Variants in PCSK5 observed in about 807,000 individuals in gnomAD.
PCSK5 encodes the protein proprotein convertase subtilisin/kexin type 5.
Under a neutral mutation model 233.2 loss-of-function variants are expected in PCSK5, and 129 were observed. The observed-to-expected ratio is 0.55, with a 90% CI of 0.48 to 0.64. The LOEUF (loss-of-function observed/expected upper bound fraction) is 0.64. PCSK5 is among the 30% of genes least tolerant of loss of function. PCSK5 has a pLI of 0.00. For synonymous variants in PCSK5, 825 were observed against 879.2 expected, an observed-to-expected ratio of 0.94 and a Z score of 1.09; for missense variants, 2,076 against 2,430.1, an observed-to-expected ratio of 0.85 and a Z score of 3.06.
intron 31 of PCSK5, among the ~76,000 whole-genome samples, chr9:76,321,962 T>A (rs1462918572): frequency 6.6e-6 from 1 of 151,878 alleles, no homozygotes; most frequent in East Asian, 1.9e-4. Flanking sequence ...CTTTTTTTTT[T>A]CCTTGAGATG....
At chr9:76,151,761 A>G (rs1823680417) in intron 10 of PCSK5, among the ~76,000 whole-genome samples, 1 of 151,876 alleles carries the variant, frequency 6.6e-6, no homozygotes, top group African/African-American at 2.4e-5. Flanking sequence ...CTGATTTCTT[A>G]CTCTTTGGAT....
intron 2 of PCSK5, among the ~76,000 whole-genome samples, chr9:75,969,181 G>C (rs535169405): frequency 1.3e-5 from 2 of 152,158 alleles, no homozygotes; most frequent in Admixed American, 1.3e-4. Flanking sequence ...CTATAATTTT[G>C]TATAAGTGAT....
chr9:76,068,424 C>T (rs1011439969), intron 6 of PCSK5, among the ~76,000 whole-genome samples: 2 of 152,086 alleles, frequency 1.3e-5, no homozygotes, highest in African/African-American at 4.8e-5. Context: ...TTGTAATTCT[C>T]TCAAAGTGGA....
At chr9:75,891,487 C>CAAGAGT in intron 1 of PCSK5, 114 bp downstream of exon 1, 7 of 864,408 alleles carry the variant, frequency 8.1e-6, no homozygotes, top group Non-Finnish European at 1.1e-5. Flanking sequence ...AGCTGTTGCC[C>CAAGAGT]TAACTCTTGG....
At chr9:75,917,058 A>T (rs1823031676) in intron 1 of PCSK5, among the ~76,000 whole-genome samples, 2 of 151,736 alleles carry the variant, frequency 1.3e-5, no homozygotes. Context: ...AATCCCAGCT[A>T]CTCAGGGGGC....
chr9:76,160,781 T>TTC (rs1822819399), intron 12 of PCSK5, among the ~76,000 whole-genome samples: 3 of 151,922 alleles, frequency 2.0e-5, no homozygotes, highest in Admixed American at 2.0e-4. Flanking sequence ...TTTTTTTTTT[T>TTC]CTTTTTTGAG....
chr9:76,153,135 C>T (rs967863078), intron 10 of PCSK5, among the ~76,000 whole-genome samples: 2 of 152,156 alleles, frequency 1.3e-5, no homozygotes, highest in Admixed American at 1.3e-4. Flanking sequence ...GTAAGCAGCC[C>T]TGAACTCTAA....
chr9:76,012,371 G>T (rs1827764525), intron 3 of PCSK5, among the ~76,000 whole-genome samples: 1 of 152,170 alleles, frequency 6.6e-6, no homozygotes, highest in African/African-American at 2.4e-5. Context: ...TTCCATGTCA[G>T]TCAAGCCTTC....
chr9:76,087,988 G>C (rs1831132525), intron 7 of PCSK5, among the ~76,000 whole-genome samples: 1 of 152,190 alleles, frequency 6.6e-6, no homozygotes, highest in South Asian at 2.1e-4. Context: ...AACTGCATTT[G>C]TATTTCCCAT....
At position 76,046,160 on chromosome 9, in the gene PCSK5, G is replaced by GTTTTTTTTTTTTTTTTT. The variant is rs71372041; in HGVS notation, c.632+19142_632+19158dup. ...GCATTAACACATAATTTTTTCTTTT[G>GTTTTTTTTTTTTTTTTT]TTTTTTTTTTTTTTTTTTTTTTTTT... On this transcript the variant is annotated intron_variant, in intron 5 of 37. Coordinates refer to ENST00000674117, the MANE Select transcript of PCSK5 (RefSeq NM_001372043.1). Among the ~76,000 whole-genome samples the GTTTTTTTTTTTTTTTTT allele has an allele frequency of 3.1e-4, 18 of 58,036 alleles. 4 individuals are homozygous for GTTTTTTTTTTTTTTTTT. Among genetic ancestry groups the GTTTTTTTTTTTTTTTTT allele is most frequent in the East Asian group, 2.5e-3 (5 of 1,976 alleles). 38.1% of individuals were successfully genotyped at this position (58,036 alleles called of 152,430 possible). A position where few individuals can be genotyped will look rare whatever the true frequency, so the allele number is the denominator to read the frequency against.
At chr9:76,021,424 G>A (rs186174753) in intron 3 of PCSK5, among the ~76,000 whole-genome samples, 1 of 152,046 alleles carries the variant, frequency 6.6e-6, no homozygotes, top group Non-Finnish European at 1.5e-5. Flanking sequence ...GCTGAAAAAG[G>A]CTATGTGTTA....
chr9:76,268,171 T>A (rs540830741), intron 24 of PCSK5, among the ~76,000 whole-genome samples: 1 of 152,324 alleles, frequency 6.6e-6, no homozygotes, highest in East Asian at 1.9e-4. Context: ...TGCTTCTAAG[T>A]TTCTTTCCTC....
Position 75,891,107 on chromosome 9 carries a change from CGGA to C in PCSK5, c.-73_-71del. On this transcript the variant is annotated 5_prime_UTR_variant, in exon 1 of 38. Transcript: ENST00000674117. ...GGGCTGCTCGCCGGGCGGCGCAGGC[CGGA>C]GAAGTTAGTTGTGCGCGCCCTTAGT... is the stretch of plus-strand genomic sequence containing the variant. 1 of 1,186,256 alleles carries C rather than the reference CGGA, an allele frequency of 8.4e-7. No individual in the cohort carries two copies. The highest frequency in any genetic ancestry group is 1.1e-6 in the Non-Finnish European group (1 of 907,392). The allele number at this position is 1,186,256 out of a possible 1,614,324, so 73.5% of individuals were successfully genotyped here. A position where few individuals can be genotyped will look rare whatever the true frequency, so the allele number is the denominator to read the frequency against.
intron 20 of PCSK5, chr9:76,193,441 A>G (rs891962682): frequency 1.0e-6 from 1 of 980,214 alleles, no homozygotes; most frequent in Admixed American, 3.4e-5. Context: ...AAAAAAAAAA[A>G]GCAAGCCACC....
intron 35 of PCSK5, among the ~76,000 whole-genome samples, chr9:76,346,495 T>A (rs1587360847): frequency 1.3e-5 from 2 of 152,230 alleles, no homozygotes; most frequent in East Asian, 3.8e-4. Context: ...GTATTTGACA[T>A]CAACCCGTGA....
At chr9:76,182,015 G>T (rs10869722) in intron 16 of PCSK5, among the ~76,000 whole-genome samples, 1 of 151,992 alleles carries the variant, frequency 6.6e-6, no homozygotes, top group African/African-American at 2.4e-5. Context: ...TCAGGGCCCA[G>T]GGTTGTCACT....
rs66780025 is a variant in PCSK5, at chr9:76,326,394, G to GAA, written c.4340-1607_4340-1606dup. Among the ~76,000 whole-genome samples, 944 of 150,188 alleles carry GAA rather than the reference G, an allele frequency of 6.3e-3. 9 individuals are homozygous for GAA. The highest frequency in any genetic ancestry group is 0.02 in the Middle Eastern group (6 of 294). Reference sequence around the variant, plus strand: ...GAGCAAGAACCTATAGCAAAAAAAAGAAAAAAAAATCTGTAAGCAGGATCT... The same window carrying GAA: ...GAGCAAGAACCTATAGCAAAAAAAAGAAAAAAAAAAATCTGTAAGCAGGATCT... On this transcript the variant is annotated intron_variant, in intron 32 of 37. Transcript: ENST00000674117.
intron 37 of PCSK5, among the ~76,000 whole-genome samples, chr9:76,355,288 T>C (rs567926319): frequency 2.8e-4 from 43 of 152,112 alleles, no homozygotes; most frequent in East Asian, 1.9e-3. Context: ...CTGGCTAACA[T>C]AGTGAAACCC....
intron 2 of PCSK5, among the ~76,000 whole-genome samples, chr9:75,974,175 G>GCAC (rs1392247801): frequency 6.6e-6 from 1 of 152,156 alleles, no homozygotes; most frequent in African/African-American, 2.4e-5. Context: ...AAGTGACTTG[G>GCAC]CACTCCTCTG....
Sources: gnomAD v4.1 joint callset for allele counts (sites outside exome capture counted in the v4.1 genomes callset) on GRCh38, gnomAD v4.1.1 for gene constraint, MANE v1.5 for transcripts, NCBI Gene and HGNC (gene_info 2026-07-23, HGNC 2026-07-21) for gene names.